The following XXYLT1 variants were observed in gnomAD, a reference collection of about 807,000 sequenced individuals.
XXYLT1 encodes the protein xyloside xylosyltransferase 1, also known as UDP-xylose:alpha-xyloside alpha-1,3-xylosyltransferase.
A neutral mutation model predicts 28.9 loss-of-function variants in XXYLT1; 20 were observed. The ratio of observed to expected loss-of-function variants is 0.69; its 90% confidence interval spans 0.49 to 1.00. The LOEUF is 1.00. Ranked by LOEUF, XXYLT1 falls within the 50% of genes least tolerant of loss-of-function variation. The probability of loss-of-function intolerance (pLI) is 0.00; values close to 1 mark genes in which losing one functional copy is unlikely to be tolerated. For missense variants in XXYLT1, 542 were observed against 560.1 expected (o/e 0.97, Z 0.33); for synonymous variants, 257 against 253.8 (o/e 1.01, Z -0.12).
intron 2 of XXYLT1, among the ~76,000 whole-genome samples, chr3:195,216,244 TGAAA>T (rs1723567469): frequency 6.6e-6 from 1 of 150,626 alleles, no homozygotes; most frequent in African/African-American, 2.4e-5. Context: ...ACATCACAAT[TGAAA>T]GAACTAGAAA....
At chr3:195,204,204 G>A (rs73063169) in intron 2 of XXYLT1, among the ~76,000 whole-genome samples, 1,904 of 151,982 alleles carry the variant, frequency 0.013, 40 homozygotes, top group African/African-American at 0.044. Context: ...TTAGCCGGAC[G>A]TGGTGGCAGA....
At chr3:195,094,429 C>G (rs955280172) in intron 3 of XXYLT1, among the ~76,000 whole-genome samples, 6 of 152,312 alleles carry the variant, frequency 3.9e-5, no homozygotes, top group African/African-American at 1.4e-4. Context: ...CCCAGAGTGG[C>G]CCGACCAGGC....
intron 1 of XXYLT1, among the ~76,000 whole-genome samples, chr3:195,268,782 G>A (rs1167504383): frequency 2.6e-5 from 4 of 152,172 alleles, no homozygotes; most frequent in Non-Finnish European, 5.9e-5. Flanking sequence ...CCAGAACTGG[G>A]CCCAGTAAAG....
intron 3 of XXYLT1, among the ~76,000 whole-genome samples, chr3:195,155,970 A>G (rs1349945957): frequency 6.6e-6 from 1 of 152,220 alleles, no homozygotes; most frequent in African/African-American, 2.4e-5. Flanking sequence ...CAAATGCAGC[A>G]TCATGCGGAA....
At chr3:195,087,741 C>T (rs938034535) in intron 3 of XXYLT1, among the ~76,000 whole-genome samples, 5 of 152,152 alleles carry the variant, frequency 3.3e-5, no homozygotes, top group Non-Finnish European at 7.3e-5. Context: ...ACGCAGAAGA[C>T]GGTGATTTCT....
At chr3:195,186,433 G>A (rs1385689751) in intron 2 of XXYLT1, among the ~76,000 whole-genome samples, 1 of 152,124 alleles carries the variant, frequency 6.6e-6, no homozygotes, top group East Asian at 1.9e-4. Flanking sequence ...GCCTGACCGG[G>A]GTGTGCTCCA....
rs1297100305 is a variant in XXYLT1, at chr3:195,150,846, A to T, written c.785+5603T>A. ...CACTCACACATACGCACACTCTCTC[A>T]CACACTCTCACACACACACACACTC... is the stretch of plus-strand genomic sequence containing the variant. On this transcript the variant is annotated intron_variant, in intron 3 of 3. Coordinates refer to ENST00000310380, the MANE Select transcript of XXYLT1 (RefSeq NM_152531.5). This position sits in a 1 kb window ranked among gnomAD's most constrained non-coding sequence, Gnocchi z 4.7. Among the ~76,000 whole-genome samples, 20 of 86,614 alleles carry T rather than the reference A, an allele frequency of 2.3e-4. 1 individual carries two copies. Among genetic ancestry groups the T allele is most frequent in the African/African-American group, 9.6e-4 (17 of 17,696 alleles). 56.8% of individuals were successfully genotyped at this position (86,614 alleles called of 152,430 possible).
At chr3:195,226,613 T>G (rs1037742914) in intron 2 of XXYLT1, 96 bp downstream of exon 2, 1 of 1,459,250 alleles carries the variant, frequency 6.9e-7, no homozygotes, top group African/African-American at 1.4e-5. Context: ...AGTGGAGCTA[T>G]TCTCCCTGAT....
chr3:195,249,840 G>GA (rs1725183192), intron 1 of XXYLT1, among the ~76,000 whole-genome samples: 1 of 152,174 alleles, frequency 6.6e-6, no homozygotes, highest in South Asian at 2.1e-4. Flanking sequence ...CTCTAGTGGA[G>GA]AAAACCTCAA....
chr3:195,192,639 T>C (rs1722473150), intron 2 of XXYLT1, among the ~76,000 whole-genome samples: 1 of 152,186 alleles, frequency 6.6e-6, no homozygotes, highest in African/African-American at 2.4e-5. Flanking sequence ...ATTAATGTAA[T>C]ACCCACAGAC....
intron 1 of XXYLT1, among the ~76,000 whole-genome samples, chr3:195,231,739 G>A (rs559795011): frequency 2.0e-5 from 3 of 150,518 alleles, no homozygotes; most frequent in South Asian, 2.1e-4. Flanking sequence ...ATTCCACTTG[G>A]TCATGATGAA....
At chr3:195,202,342 C>T (rs1393558534) in intron 2 of XXYLT1, among the ~76,000 whole-genome samples, 2 of 140,600 alleles carry the variant, frequency 1.4e-5, no homozygotes, top group Non-Finnish European at 3.0e-5. Context: ...AATCCCAAAA[C>T]AGACAATGGA....
rs552755120 is a variant in XXYLT1, at chr3:195,209,088, C to A, written c.652+17621G>T. 3.9e-5 allele frequency among the ~76,000 whole-genome samples: 6 copies of A among 152,242 alleles called. No homozygotes were observed. The highest frequency in any genetic ancestry group is 2.9e-5 in the Non-Finnish European group (2 of 68,036). On this transcript the variant is annotated intron_variant, in intron 2 of 3. Coordinates refer to ENST00000310380, the MANE Select transcript of XXYLT1 (RefSeq NM_152531.5). This position sits in a 1 kb window ranked among gnomAD's most constrained non-coding sequence, Gnocchi z 5.0. ...GGAAGCCATCGCCCACCTCCCCTTACGTGGCTCACTCGCCTCTCAGGGGGA... is the reference window on the plus strand; with the variant it reads ...GGAAGCCATCGCCCACCTCCCCTTAAGTGGCTCACTCGCCTCTCAGGGGGA...
chr3:195,244,013 G>A lies in XXYLT1; in HGVS notation c.505-17157C>T, dbSNP rs146598090. On this transcript the variant is annotated intron_variant, in intron 1 of 3. Transcript: ENST00000310380. The stretch of plus-strand genomic sequence containing the variant: ...AAAAGTGACAGCCCCTCCTCCCCAC[G>A]CTGTCCTCACTGCACGACGTCCAAT... 8.7e-4 allele frequency among the ~76,000 whole-genome samples: 132 copies of A among 152,212 alleles called. 1 individual carries two copies. Among genetic ancestry groups the A allele is most frequent in the African/African-American group, 3.0e-3 (125 of 41,526 alleles).
intron 3 of XXYLT1, among the ~76,000 whole-genome samples, chr3:195,111,920 C>A (rs769369957): frequency 9.2e-5 from 14 of 152,182 alleles, no homozygotes; most frequent in Non-Finnish European, 1.8e-4. Flanking sequence ...ATCGTGGAAG[C>A]TTGATTCAAA....
intron 1 of XXYLT1, among the ~76,000 whole-genome samples, chr3:195,269,548 A>T (rs1725949697): frequency 6.6e-6 from 1 of 152,214 alleles, no homozygotes. Flanking sequence ...GGCTCACAAC[A>T]CAACAGCCCT....
chr3:195,095,994 A>C (rs1039053618), intron 3 of XXYLT1: 1 of 152,128 alleles, frequency 6.6e-6, no homozygotes, highest in African/African-American at 2.4e-5. Flanking sequence ...CGGGAACCCA[A>C]TTCAATATGT....
chr3:195,145,345 AACGGGCAC>A lies in XXYLT1; in HGVS notation c.785+11096_785+11103del, dbSNP rs1281455227. Among the ~76,000 whole-genome samples the A allele has an allele frequency of 7.2e-4, 107 of 147,648 alleles. 2 individuals carry two copies. The highest frequency in any genetic ancestry group is 3.7e-3 in the Middle Eastern group (1 of 272). On this transcript the variant is annotated intron_variant, in intron 3 of 3. Coordinates refer to ENST00000310380, the MANE Select transcript of XXYLT1 (RefSeq NM_152531.5). ...GCGAGCATCTCTGTGAAGCCACATGAACGGGCACATCACTCCACGGTGACTGGCACTGA... is the reference window on the plus strand; with the variant it reads ...GCGAGCATCTCTGTGAAGCCACATGAATCACTCCACGGTGACTGGCACTGA...
In XXYLT1 at chr3:195,209,403, G is replaced by C. The variant is rs897444990; in HGVS notation, c.652+17306C>G. 6.6e-6 allele frequency: 1 copy of C among 152,340 alleles called. No individual in the cohort carries two copies. The highest frequency in any genetic ancestry group is 1.5e-5 in the Non-Finnish European group (1 of 68,172). 9.4% of individuals were successfully genotyped at this position (152,340 alleles called of 1,614,324 possible). On this transcript the variant is annotated intron_variant, in intron 2 of 3. Transcript: ENST00000310380. This position sits in a 1 kb window ranked among gnomAD's most constrained non-coding sequence, Gnocchi z 5.0. Reference sequence around the variant, plus strand: ...GGGTGGGAATCCTCCTCACCCCCTCGGCCCCATCAAGGGCTTTCAGATTTT... The same window carrying C: ...GGGTGGGAATCCTCCTCACCCCCTCCGCCCCATCAAGGGCTTTCAGATTTT...
Sources: allele counts gnomAD v4.1 joint callset (sites outside exome capture counted in the v4.1 genomes callset), GRCh38; gene constraint gnomAD v4.1.1; non-coding constraint Gnocchi (gnomAD v3.1); transcripts MANE v1.5; gene names NCBI Gene and HGNC (gene_info 2026-07-23, HGNC 2026-07-21).